GXYLT1: variants seen among roughly 807,000 people sequenced by gnomAD.
GXYLT1 encodes glucoside xylosyltransferase 1.
A neutral mutation model predicts 54.0 loss-of-function variants in GXYLT1; 29 were observed. That is an observed-to-expected ratio of 0.54 (90% confidence interval 0.40 to 0.73). The LOEUF (loss-of-function observed/expected upper bound fraction) is 0.73, where lower values mean the gene tolerates loss of function less well. Among genes scored for constraint, GXYLT1 ranks in the 30% least tolerant of loss-of-function variants. The probability of loss-of-function intolerance (pLI) is 0.00; values close to 1 mark genes in which losing one functional copy is unlikely to be tolerated. For synonymous variants in GXYLT1, 176 were observed against 204.1 expected (o/e 0.86, Z 1.17); for missense variants, 490 against 553.4 (o/e 0.89, Z 1.15).
chr12:42,144,338 C>T (rs1752783307), intron 1 of GXYLT1, 88 bp downstream of exon 1: 2 of 799,014 alleles, frequency 2.5e-6, no homozygotes, highest in Non-Finnish European at 3.4e-6. Context: ...GGAGACGCGG[C>T]ACCCACCGGC....
At chr12:42,129,638 A>G (rs191039911) in intron 2 of GXYLT1, 121 bp downstream of exon 2, 34 of 587,174 alleles carry the variant, frequency 5.8e-5, no homozygotes. Context: ...AAAACCCAAT[A>G]AGAAAATAAA....
Position 42,097,960 on chromosome 12 carries a change from A to T in GXYLT1, c.938T>A (p.Ile313Asn). The change falls in exon 6 of 8, where the codon ATC becomes AAC. Residue 313 changes from isoleucine to asparagine, a missense_variant. Transcript: ENST00000398675. Reference protein sequence around the residue: ...MPLLKKYKLNITWGDQDLLNI... With the variant: ...MPLLKKYKLNNTWGDQDLLNI... ...CAATAGATCTTGATCACCCCATGTGATGTTTAGTTTGTATTTTTTAAGCAA... is the reference window on the plus strand; with the variant it reads ...CAATAGATCTTGATCACCCCATGTGTTGTTTAGTTTGTATTTTTTAAGCAA... 1.2e-6 allele frequency: 2 copies of T among 1,604,264 alleles called. No individual in the cohort carries two copies. Among genetic ancestry groups the T allele is most frequent in the Non-Finnish European group, 1.7e-6 (2 of 1,171,668 alleles).
At chr12:42,134,062 T>C (rs140579347) in intron 1 of GXYLT1, among the ~76,000 whole-genome samples, 2,207 of 151,420 alleles carry the variant, frequency 0.015, 26 homozygotes, top group Middle Eastern at 0.027. Flanking sequence ...TAGCCAGGCA[T>C]GGTGGTGTGT....
rs747183028 is a variant in GXYLT1 at position 42,087,965 on chromosome 12, T to A, written c.1162-18A>T. On this transcript the variant is annotated intron_variant, in intron 7 of 7. Coordinates refer to ENST00000398675, the MANE Select transcript of GXYLT1 (RefSeq NM_173601.2). The stretch of plus-strand genomic sequence containing the variant: ...AAAGAACACTAGAGAAAGAAAATTT[T>A]AAAAAATAAAAAATTTAAAAGGCAA... The A allele has an allele frequency of 1.6e-5, 21 of 1,350,368 alleles. No individual in the cohort carries two copies. Among genetic ancestry groups the A allele is most frequent in the Admixed American group, 1.3e-4 (5 of 39,212 alleles). The allele number at this position is 1,350,368 out of a possible 1,614,324, so 83.6% of individuals were successfully genotyped here.
chr12:42,109,060 T>C (rs1592110131), intron 4 of GXYLT1, among the ~76,000 whole-genome samples: 1 of 152,150 alleles, frequency 6.6e-6, no homozygotes, highest in Non-Finnish European at 1.5e-5. Context: ...ACTGAATAAA[T>C]AGTTCCCATT....
rs2136879676 is a variant in GXYLT1 at position 42,097,473 on chromosome 12, G to A, written c.1130C>T (p.Ala377Val). 1.3e-6 allele frequency: 2 copies of A among 1,597,394 alleles called. No homozygotes were observed. The highest frequency in any genetic ancestry group is 1.7e-6 in the Non-Finnish European group (2 of 1,176,256). The change falls in exon 7 of 8, where the codon GCA (alanine) becomes GTA (valine). Residue 377 changes from alanine to valine, a missense_variant. Around this residue, in one of 2 missense-constraint regions of GXYLT1, gnomAD observed 342 missense variants for 342.6 expected, o/e 1.00. Transcript: ENST00000398675. The stretch of plus-strand genomic sequence containing the variant: ...CAGTGCTTCATAAACAGCTCTAAAT[G>A]CTGGTTGCTTATCGTCATGGTAAAC... ...RGVYHDDKQP[A>V]FRAVYEALRN...
At chr12:42,102,992 A>G (rs994025034) in intron 5 of GXYLT1, among the ~76,000 whole-genome samples, 2 of 151,678 alleles carry the variant, frequency 1.3e-5, no homozygotes, top group East Asian at 3.9e-4. Flanking sequence ...TCACATTGTC[A>G]CTCTGTAGCT....
At chr12:42,142,104 T>C (rs1322305387) in intron 1 of GXYLT1, among the ~76,000 whole-genome samples, 1 of 152,176 alleles carries the variant, frequency 6.6e-6, no homozygotes, top group East Asian at 1.9e-4. Context: ...AATACCTAAG[T>C]ACTACTGAAA....
At chr12:42,122,317 C>T (rs900239669) in intron 2 of GXYLT1, among the ~76,000 whole-genome samples, 2 of 152,070 alleles carry the variant, frequency 1.3e-5, no homozygotes, top group Non-Finnish European at 2.9e-5. Flanking sequence ...TGGCCGGGCA[C>T]GGTGGCTCAC....
chr12:42,142,489 A>G (rs1428818822), intron 1 of GXYLT1, among the ~76,000 whole-genome samples: 2 of 151,886 alleles, frequency 1.3e-5, no homozygotes, highest in Non-Finnish European at 2.9e-5. Flanking sequence ...GGTGTGAAAC[A>G]CCACATTCAG....
chr12:42,106,026 T>C lies in GXYLT1; in HGVS notation c.656A>G (p.Asp219Gly), dbSNP rs746022527. The C allele has an allele frequency of 2.5e-6, 4 of 1,608,130 alleles. No homozygotes were observed. The African/African-American group carries it at 4.0e-5, about 16-fold the overall frequency. The change falls in exon 5 of 8, where the codon GAT (aspartate) becomes GGT (glycine). Residue 219 changes from aspartate to glycine, a missense_variant. Transcript: ENST00000398675. Reference sequence around the variant, plus strand: ...ATCAACTGGTCGTAAAAAAAGGATATCAGTGTCGACATACAATAGTGAGTC... The same window carrying C: ...ATCAACTGGTCGTAAAAAAAGGATACCAGTGTCGACATACAATAGTGAGTC... ...EVDSLLYVDTDILFLRPVDDI... is the reference protein window; with the variant it reads ...EVDSLLYVDTGILFLRPVDDI...
chr12:42,106,028 A>T lies in GXYLT1; in HGVS notation c.654T>A (p.Thr218=). Residue 218 remains threonine, a synonymous_variant, in exon 5 of 8, where the codon ACT becomes ACA. Transcript: ENST00000398675. The part of the protein sequence containing the change: ...KEVDSLLYVD[T]DILFLRPVDD... Reference sequence around the variant, plus strand: ...CAACTGGTCGTAAAAAAAGGATATCAGTGTCGACATACAATAGTGAGTCAA... The same window carrying T: ...CAACTGGTCGTAAAAAAAGGATATCTGTGTCGACATACAATAGTGAGTCAA... 6.2e-7 allele frequency: 1 copy of T among 1,608,810 alleles called. No homozygotes were observed. Among genetic ancestry groups the T allele is most frequent in the Non-Finnish European group, 8.5e-7 (1 of 1,176,566 alleles).
chr12:42,089,534 T>C, intron 7 of GXYLT1, among the ~76,000 whole-genome samples: 1 of 152,330 alleles, frequency 6.6e-6, no homozygotes. Context: ...AACACATTTA[T>C]AATATAGGTA....
chr12:42,123,081 C>T (rs1264624611), intron 2 of GXYLT1, among the ~76,000 whole-genome samples: 1 of 152,124 alleles, frequency 6.6e-6, no homozygotes, highest in Non-Finnish European at 1.5e-5. Context: ...CACCCCTTTT[C>T]ACCCCAAAAA....
intron 5 of GXYLT1, among the ~76,000 whole-genome samples, chr12:42,103,904 G>A (rs2065404114): frequency 6.6e-6 from 1 of 152,064 alleles, no homozygotes; most frequent in South Asian, 2.1e-4. Context: ...AAGGGAAAGG[G>A]AGAAACTATT....
intron 5 of GXYLT1, among the ~76,000 whole-genome samples, chr12:42,101,943 G>T (rs207472883): frequency 5.3e-5 from 8 of 152,298 alleles, no homozygotes; most frequent in Admixed American, 2.0e-4. Flanking sequence ...GTGGAGGCAT[G>T]AAAGTGTGAA....
In GXYLT1 at chr12:42,083,114, C is replaced by G. The variant is rs1451146024; in HGVS notation, c.*4672G>C. ...ATTTGCAATCCATTTTAAACTGTTA[C>G]ATCTAATATGCTATTCTGTTTTTCT... On this transcript the variant is annotated 3_prime_UTR_variant, in exon 8 of 8. Transcript: ENST00000398675. 1 of 152,102 alleles carries G rather than the reference C, an allele frequency of 6.6e-6. No homozygotes were observed. Among genetic ancestry groups the G allele is most frequent in the Non-Finnish European group, 1.5e-5 (1 of 68,014 alleles). The allele number at this position is 152,102 out of a possible 1,614,324, so 9.4% of individuals were successfully genotyped here. A position where few individuals can be genotyped will look rare whatever the true frequency, so the allele number is the denominator to read the frequency against.
At chr12:42,112,207 GA>G (rs966370837) in intron 3 of GXYLT1, among the ~76,000 whole-genome samples, 19 of 152,276 alleles carry the variant, frequency 1.2e-4, no homozygotes, top group Non-Finnish European at 1.9e-4. Context: ...AAACAGAGCA[GA>G]AAAACTGGAA....
At position 42,087,008 on chromosome 12, in the gene GXYLT1, A is replaced by G. The variant is rs2065297706; in HGVS notation, c.*778T>C. The G allele has an allele frequency of 6.6e-6, 1 of 152,106 alleles. No individual in the cohort carries two copies. The highest frequency in any genetic ancestry group is 1.9e-4 in the East Asian group (1 of 5,192). 9.4% of individuals were successfully genotyped at this position (152,106 alleles called of 1,614,324 possible). On this transcript the variant is annotated 3_prime_UTR_variant, in exon 8 of 8. Coordinates refer to ENST00000398675, the MANE Select transcript of GXYLT1 (RefSeq NM_173601.2). ...CCAGTAAAGCTGACGTTTTTCATTT[A>G]AAGTGATTAAAAAAAAATTCCCCAA... is the stretch of plus-strand genomic sequence containing the variant.
Sources: allele counts gnomAD v4.1 joint callset (sites outside exome capture counted in the v4.1 genomes callset), GRCh38; gene constraint gnomAD v4.1.1; regional missense constraint gnomAD v4.1.1; transcripts MANE v1.5; gene names NCBI Gene and HGNC (gene_info 2026-07-23, HGNC 2026-07-21).